Variants in YBEY observed in about 807,000 individuals in gnomAD.
The protein encoded by YBEY is endoribonuclease YbeY.
In YBEY, 15 loss-of-function variants were observed where a neutral mutation model predicts 13.5. The ratio of observed to expected loss-of-function variants is 1.11; its 90% confidence interval spans 0.75 to 1.72. The LOEUF (loss-of-function observed/expected upper bound fraction) is 1.72. Ranked by LOEUF, YBEY falls within the 40% of genes most tolerant of loss-of-function variation. The pLI is 0.00. For missense variants in YBEY, 244 were observed against 208.4 expected, an observed-to-expected ratio of 1.17 and a Z score of -1.05; for synonymous variants, 101 against 83.1, an observed-to-expected ratio of 1.21 and a Z score of -1.17.
chr21:46,287,095 C>T lies in YBEY; in HGVS notation c.182C>T (p.Thr61Ile). ...NRIYRDRNVP[T>I]DVLSFPFHEH... is the part of the protein sequence containing the mutation. ...ATCTACAGAGATAGAAATGTCCCAACCGATGTGCTTTCTTTTCCATTTCAT... is the reference window on the plus strand; with the variant it reads ...ATCTACAGAGATAGAAATGTCCCAATCGATGTGCTTTCTTTTCCATTTCAT... The change falls in exon 2 of 5, where the codon ACC becomes ATC. Residue 61 changes from threonine to isoleucine, a missense_variant. Physicochemically the swap from Thr to Ile is moderately conservative, Grantham distance 89. Transcript: ENST00000397701. The T allele has an allele frequency of 6.2e-7, 1 of 1,609,312 alleles. No individual in the cohort carries two copies. The highest frequency in any genetic ancestry group is 8.5e-7 in the Non-Finnish European group (1 of 1,178,384).
At chr21:46,306,472 C>T in the YBEY span, among the ~76,000 whole-genome samples, 1 of 152,136 alleles carries the variant, frequency 6.6e-6, no homozygotes, top group African/African-American at 2.4e-5. Flanking sequence ...GCACTCCAGC[C>T]TGGCAACAGA....
At chr21:46,301,749 G>A, downstream of YBEY, 1 of 1,219,566 alleles carries the variant, frequency 8.2e-7, no homozygotes, top group Non-Finnish European at 1.0e-6. Context: ...AGGGGCTGTT[G>A]CCCTGGTGGG....
downstream of YBEY, chr21:46,301,579 C>T: frequency 1.0e-6 from 1 of 997,614 alleles, no homozygotes; most frequent in Non-Finnish European, 1.2e-6. Context: ...TCTGTTCTGG[C>T]TCCTGAGCTG....
In YBEY at chr21:46,287,139, T is replaced by C; in HGVS notation, c.210+16T>C. On this transcript the variant is annotated intron_variant, in intron 2 of 4. Transcript: ENST00000397701. ...ATTTCATGAGGTAAAAAAAAAATGT[T>C]CCTCTTCTTGTCTAGCCCATCTTCC... The C allele has an allele frequency of 7.3e-7, 1 of 1,376,836 alleles. No individual in the cohort carries two copies. Among genetic ancestry groups the C allele is most frequent in the Non-Finnish European group, 9.8e-7 (1 of 1,015,870 alleles). 85.3% of individuals were successfully genotyped at this position (1,376,836 alleles called of 1,614,324 possible).
intron 3 of YBEY, among the ~76,000 whole-genome samples, chr21:46,294,884 G>A (rs1319206460): frequency 6.6e-6 from 1 of 152,244 alleles, no homozygotes; most frequent in South Asian, 2.1e-4. Flanking sequence ...GTGCATCTGT[G>A]TGGCTTGAGG....
At chr21:46,291,862 C>A in intron 3 of YBEY, 1 of 1,044,492 alleles carries the variant, frequency 9.6e-7, no homozygotes, top group Non-Finnish European at 1.2e-6. Flanking sequence ...TTCCTGCCCA[C>A]TGCACAGACA....
At chr21:46,303,730 TATATATATATATATA>T in the YBEY span, among the ~76,000 whole-genome samples, 72 of 28,726 alleles carry the variant, frequency 2.5e-3, 1 homozygote, top group African/African-American at 6.9e-3. Context: ...TATATATATA[TATATATATATATATA>T]TTTTTTTTTT....
the YBEY span, chr21:46,311,363 C>A: frequency 3.5e-6 from 2 of 566,886 alleles, no homozygotes; most frequent in South Asian, 3.9e-5. Flanking sequence ...CAGCCAAAAG[C>A]TGGCCCTAAG....
At chr21:46,303,722 TATATATATATATATATATATATA>T in the YBEY span, among the ~76,000 whole-genome samples, 1 of 22,722 alleles carries the variant, frequency 4.4e-5, no homozygotes, top group Middle Eastern at 0.018. Context: ...TATATATATA[TATATATATATATATATATATATA>T]TTTTTTTTTT....
At chr21:46,292,530 G>C (rs1426167455) in intron 3 of YBEY, among the ~76,000 whole-genome samples, 2 of 151,406 alleles carry the variant, frequency 1.3e-5, no homozygotes, top group Non-Finnish European at 2.9e-5. Flanking sequence ...CTTGGCCTGT[G>C]CCCGGGACTG....
downstream of YBEY, among the ~76,000 whole-genome samples, chr21:46,298,476 T>C (rs1345470227): frequency 7.4e-6 from 1 of 135,978 alleles, no homozygotes; most frequent in South Asian, 2.4e-4. Flanking sequence ...TCGCCCAGGC[T>C]GGAGTGCAGT....
chr21:46,303,730 TATATATATATA>T, the YBEY span, among the ~76,000 whole-genome samples: 18 of 28,726 alleles, frequency 6.3e-4, no homozygotes, highest in Non-Finnish European at 9.2e-4. Context: ...TATATATATA[TATATATATATA>T]TATATTTTTT....
chr21:46,295,875 A>C (rs1601601770), intron 3 of YBEY, among the ~76,000 whole-genome samples: 2 of 78,250 alleles, frequency 2.6e-5, no homozygotes, highest in Admixed American at 1.8e-4. Flanking sequence ...CCCCTTGCCC[A>C]TTGCTCCTGC....
At chr21:46,296,370 G>A (rs757489424) in intron 4 of YBEY, 140 bp downstream of exon 4, 3 of 910,496 alleles carry the variant, frequency 3.3e-6, no homozygotes, top group Non-Finnish European at 5.0e-6. Flanking sequence ...AAATGACACA[G>A]ATGTTTGCTT....
downstream of YBEY, chr21:46,297,888 G>A (rs1225253869): frequency 1.4e-5 from 11 of 813,138 alleles, no homozygotes; most frequent in Admixed American, 4.6e-5. Context: ...CCTTCAAGGG[G>A]GTCCCTGCCC....
chr21:46,312,078 C>T, the YBEY span, among the ~76,000 whole-genome samples: 1 of 150,894 alleles, frequency 6.6e-6, no homozygotes, highest in East Asian at 2.0e-4. Context: ...CATCCATCCA[C>T]CCACCCATCC....
At chr21:46,303,730 TATATA>T in the YBEY span, among the ~76,000 whole-genome samples, 9 of 28,732 alleles carry the variant, frequency 3.1e-4, 1 homozygote, top group Non-Finnish European at 5.9e-4. Flanking sequence ...TATATATATA[TATATA>T]TATATATATA....
the YBEY span, chr21:46,311,591 T>C: frequency 7.0e-6 from 10 of 1,420,524 alleles, no homozygotes; most frequent in African/African-American, 1.4e-4. Flanking sequence ...GGTGATTAGC[T>C]ATCTGCATAT....
chr21:46,309,500 G>A, the YBEY span, among the ~76,000 whole-genome samples: 89,304 of 151,676 alleles, frequency 0.59, 28,169 homozygotes, highest in Non-Finnish European at 0.7. Context: ...CAGATATTCT[G>A]AGCAACAGAA....
Sources: allele counts gnomAD v4.1 joint callset (sites outside exome capture counted in the v4.1 genomes callset), GRCh38; gene constraint gnomAD v4.1.1; transcripts MANE v1.5; gene names NCBI Gene and HGNC (gene_info 2026-07-23, HGNC 2026-07-21).